Variants in TUBGCP4 observed in about 807,000 individuals in gnomAD.
TUBGCP4 encodes gamma-tubulin complex component 4.
Under a neutral mutation model 91.6 loss-of-function variants are expected in TUBGCP4, and 54 were observed. The ratio of observed to expected loss-of-function variants is 0.59; its 90% CI spans 0.47 to 0.74. TUBGCP4 has a LOEUF of 0.74. TUBGCP4 is among the 30% of genes least tolerant of loss of function. The pLI is 0.00. For missense variants in TUBGCP4, 593 were observed against 800.9 expected, an observed-to-expected ratio of 0.74 and a Z score of 3.13; for synonymous variants, 297 against 302.8, an observed-to-expected ratio of 0.98 and a Z score of 0.20.
chr15:43,378,145 T>G (rs17724631), intron 5 of TUBGCP4, among the ~76,000 whole-genome samples: 1 of 152,096 alleles, frequency 6.6e-6, no homozygotes, highest in South Asian at 2.1e-4. Flanking sequence ...AAGAATGTTG[T>G]TGGGGTAAGA....
rs984257442 is a variant in TUBGCP4 at position 43,401,875 on chromosome 15, CAG to C, written c.1731+27_1731+28del. ...TGTAAGTAAGGCTCATTGGTTTCCT[CAG>C]ACTGCTTCTACCACTGACCATTCCC... On this transcript the variant is annotated intron_variant, in intron 15 of 17. Coordinates refer to ENST00000564079, the MANE Select transcript of TUBGCP4 (RefSeq NM_014444.5). The C allele has an allele frequency of 1.9e-6, 3 of 1,612,900 alleles. No individual in the cohort carries two copies. In the African/African-American group the frequency reaches 4.0e-5, roughly 22 times the overall value.
Position 43,404,529 on chromosome 15 carries a change from C to A in TUBGCP4, c.1965C>A (p.Thr655=), listed in dbSNP as rs368490891. Residue 655 remains threonine (T), a synonymous_variant, in exon 17 of 18, where the codon ACC becomes ACA. Transcript: ENST00000564079. ...GACTAGATTATAACAAATACTATACCCAGGCTGGTGGAACTCTGGGCAGGT... is the reference window on the plus strand; with the variant it reads ...GACTAGATTATAACAAATACTATACACAGGCTGGTGGAACTCTGGGCAGGT... ...LLRLDYNKYY[T]QAGGTLGSFG... 9.5e-4 allele frequency: 1,532 copies of A among 1,614,078 alleles called. No homozygotes were observed. The highest frequency in any genetic ancestry group is 1.2e-3 in the Non-Finnish European group (1,474 of 1,179,996).
chr15:43,382,769 G>A (rs1366268203), intron 6 of TUBGCP4, among the ~76,000 whole-genome samples: 1 of 152,094 alleles, frequency 6.6e-6, no homozygotes, highest in Non-Finnish European at 1.5e-5. Flanking sequence ...TATCTGGTGG[G>A]TGATCCTTTG....
intron 15 of TUBGCP4, chr15:43,403,440 A>G (rs1026995690): frequency 9.9e-5 from 37 of 373,008 alleles, no homozygotes; most frequent in African/African-American, 6.2e-4. Context: ...ATGTGGCTAG[A>G]TTGGAGGTTT....
chr15:43,407,749 T>G lies in TUBGCP4; in HGVS notation c.*2535T>G, dbSNP rs1452177617. ...AGTTATAATCACTATGTGCTGACCT[T>G]GTAGAAATATTTAACAAATATACGT... On this transcript the variant is annotated 3_prime_UTR_variant, in exon 18 of 18. Coordinates refer to ENST00000564079, the MANE Select transcript of TUBGCP4 (RefSeq NM_014444.5). 5 of 782,182 alleles carry G rather than the reference T, an allele frequency of 6.4e-6. No homozygotes were observed. Among genetic ancestry groups the G allele is most frequent in the African/African-American group, 1.7e-5 (1 of 57,246 alleles). 48.5% of individuals were successfully genotyped at this position (782,182 alleles called of 1,614,324 possible).
intron 9 of TUBGCP4, 32 bp downstream of exon 9, chr15:43,386,362 TATATATATA>T (rs2044364820): frequency 1.3e-5 from 1 of 77,366 alleles, no homozygotes; most frequent in African/African-American, 5.2e-5. Context: ...TATATATATA[TATATATATA>T]TATATATTTT....
chr15:43,380,294 C>T (rs1008503327), intron 6 of TUBGCP4, 131 bp downstream of exon 6: 26 of 821,252 alleles, frequency 3.2e-5, no homozygotes, highest in African/African-American at 1.7e-5. Flanking sequence ...AGAAAAAGCT[C>T]CATGAGCAGA....
rs780093677 is a variant in TUBGCP4 at position 43,398,026 on chromosome 15, C to G, written c.1280-15C>G. On this transcript the variant is annotated splice_polypyrimidine_tract_variant and intron_variant, in intron 12 of 17. Transcript: ENST00000564079. ...TTGTTATCTTTTCTTTTTTTCTTTT[C>G]TTTTATCACAGCAGATGCTACTCAG... is the stretch of plus-strand genomic sequence containing the variant. 4 of 1,587,308 alleles carry G rather than the reference C, an allele frequency of 2.5e-6. No homozygotes were observed. Among genetic ancestry groups the G allele is most frequent in the East Asian group, 4.5e-5 (2 of 44,670 alleles).
intron 9 of TUBGCP4, among the ~76,000 whole-genome samples, chr15:43,389,625 A>G (rs1227386583): frequency 6.6e-6 from 1 of 152,092 alleles, no homozygotes; most frequent in East Asian, 1.9e-4. Context: ...TTAGATTTTG[A>G]GATACTGATT....
At chr15:43,402,884 T>TA (rs2044717605) in intron 15 of TUBGCP4, 2 of 152,242 alleles carry the variant, frequency 1.3e-5, no homozygotes, top group Non-Finnish European at 2.9e-5. Context: ...TACAGACTTT[T>TA]TAAAAATGTT....
chr15:43,384,625 G>C (rs553855572), intron 7 of TUBGCP4, among the ~76,000 whole-genome samples: 2 of 152,322 alleles, frequency 1.3e-5, no homozygotes, highest in South Asian at 4.1e-4. Flanking sequence ...GGTGGTACTT[G>C]AAACTGTGTA....
rs941415289 is a variant in TUBGCP4, at chr15:43,384,183, T to C, written c.723+679T>C. Among the ~76,000 whole-genome samples the C allele has an allele frequency of 2.6e-5, 4 of 152,276 alleles. No individual in the cohort carries two copies. The South Asian group carries it at 6.2e-4, about 24-fold the overall frequency. On this transcript the variant is annotated intron_variant, in intron 7 of 17. Transcript: ENST00000564079. ...TTCATCCATTCATCCATCCATCCAT[T>C]CATTCATTTATCCTGTGGCAATATT...
chr15:43,376,889 T>G, intron 3 of TUBGCP4, 125 bp from the exon 4 acceptor site: 2 of 942,520 alleles, frequency 2.1e-6, no homozygotes, highest in Non-Finnish European at 3.3e-6. Context: ...CTGATTAAAT[T>G]ATCAGTTCTC....
chr15:43,405,249 G>C lies in TUBGCP4; in HGVS notation c.*35G>C. Reference sequence around the variant, plus strand: ...GCTCATAAATTGAAATAACAGCCACGTTCCCAAGGTTGTAACAGAAGATTC... The same window carrying C: ...GCTCATAAATTGAAATAACAGCCACCTTCCCAAGGTTGTAACAGAAGATTC... On this transcript the variant is annotated 3_prime_UTR_variant, in exon 18 of 18. Transcript: ENST00000564079. 1 of 1,611,772 alleles carries C rather than the reference G, an allele frequency of 6.2e-7. No homozygotes were observed.
Position 43,408,740 on chromosome 15 carries a change from A to C in TUBGCP4, c.*3526A>C. ...CTAGCCAATGTAACCTAGGGAAATA[A>C]ACTAGATAAACTCCTGAAGTCATTT... On this transcript the variant is annotated 3_prime_UTR_variant, in exon 18 of 18. Transcript: ENST00000564079. 1 of 694,298 alleles carries C rather than the reference A, an allele frequency of 1.4e-6. No individual in the cohort carries two copies. The highest frequency in any genetic ancestry group is 2.4e-6 in the Non-Finnish European group (1 of 419,168). 43.0% of individuals were successfully genotyped at this position (694,298 alleles called of 1,614,324 possible). A position where few individuals can be genotyped will look rare whatever the true frequency, so the allele number is the denominator to read the frequency against.
chr15:43,407,308 C>G lies in TUBGCP4; in HGVS notation c.*2094C>G. ...TCCATGCAAGGAATCCAGTTACACA[C>G]AAGACACATTTAAAACCTGGTTAAA... On this transcript the variant is annotated 3_prime_UTR_variant, in exon 18 of 18. Coordinates refer to ENST00000564079, the MANE Select transcript of TUBGCP4 (RefSeq NM_014444.5). The G allele has an allele frequency of 1.5e-6, 2 of 1,320,456 alleles. No homozygotes were observed. The highest frequency in any genetic ancestry group is 2.6e-5 in the South Asian group (2 of 76,670). 81.8% of individuals were successfully genotyped at this position (1,320,456 alleles called of 1,614,324 possible). A position where few individuals can be genotyped will look rare whatever the true frequency, so the allele number is the denominator to read the frequency against.
intron 17 of TUBGCP4, 49 bp from the exon 18 acceptor site, chr15:43,405,153 A>G (rs1401541697): frequency 6.2e-7 from 1 of 1,606,586 alleles, no homozygotes; most frequent in East Asian, 2.2e-5. Context: ...CTTTGAAGGT[A>G]GTCTTGGGAA....
intron 8 of TUBGCP4, 79 bp from the exon 9 acceptor site, chr15:43,386,127 G>A (rs1444587590): frequency 3.9e-6 from 6 of 1,544,282 alleles, no homozygotes; most frequent in Non-Finnish European, 5.2e-6. Flanking sequence ...CTGCCCCACT[G>A]AGATTAGCCC....
rs1566894338 is a variant in TUBGCP4, at chr15:43,386,344, C to CATATATATATATATATATATATATAT, written c.1014+14_1014+15insATATATATATATATATATATATATAT. ...ACTGTGGCTGAGGTTTGTGTTTCAT[C>CATATATATATATATATATATATATAT]GTATATATATATATATATATATATA... On this transcript the variant is annotated intron_variant, in intron 9 of 17. Coordinates refer to ENST00000564079, the MANE Select transcript of TUBGCP4 (RefSeq NM_014444.5). 2.4e-5 allele frequency: 6 copies of CATATATATATATATATATATATATAT among 245,624 alleles called. 1 individual carries two copies. The highest frequency in any genetic ancestry group is 3.9e-5 in the Non-Finnish European group (6 of 152,332). 15.2% of individuals were successfully genotyped at this position (245,624 alleles called of 1,614,324 possible).
Sources: gnomAD v4.1 joint callset for allele counts (sites outside exome capture counted in the v4.1 genomes callset) on GRCh38, gnomAD v4.1.1 for gene constraint, MANE v1.5 for transcripts, NCBI Gene and HGNC (gene_info 2026-07-23, HGNC 2026-07-21) for gene names.